CCSER1: variants seen among roughly 807,000 people sequenced by gnomAD.
CCSER1 encodes the protein coiled-coil serine rich protein 1.
CCSER1 carries 41 observed loss-of-function variants against 82.0 expected under a neutral mutation model. That is an observed-to-expected ratio of 0.50 (90% CI 0.39 to 0.65). The LOEUF is 0.65. CCSER1 is among the 30% of genes least tolerant of loss of function. The pLI is 0.00. For missense variants in CCSER1, 1,119 were observed against 1,064.2 expected (o/e 1.05, Z -0.72); for synonymous variants, 414 against 383.9 (o/e 1.08, Z -0.92).
At chr4:90,961,674 G>A (rs1484131570) in intron 9 of CCSER1, among the ~76,000 whole-genome samples, 2 of 151,878 alleles carry the variant, frequency 1.3e-5, no homozygotes, top group African/African-American at 4.8e-5. Flanking sequence ...TTAATTTTAA[G>A]TAAGTACATT....
intron 10 of CCSER1, among the ~76,000 whole-genome samples, chr4:91,250,745 A>G: frequency 6.6e-6 from 1 of 151,752 alleles, no homozygotes; most frequent in Non-Finnish European, 1.5e-5. Flanking sequence ...TTTTTAAAAA[A>G]CACAATGCAA....
At chr4:91,021,326 G>T (rs970936253) in intron 9 of CCSER1, among the ~76,000 whole-genome samples, 1 of 151,970 alleles carries the variant, frequency 6.6e-6, no homozygotes, top group Non-Finnish European at 1.5e-5. Flanking sequence ...AAGAACTATT[G>T]CTGCAGATTG....
intron 10 of CCSER1, among the ~76,000 whole-genome samples, chr4:91,209,117 G>T (rs1408300531): frequency 6.6e-6 from 1 of 151,916 alleles, no homozygotes; most frequent in Non-Finnish European, 1.5e-5. Flanking sequence ...TTTTGGCAGA[G>T]ACTATGGGGT....
chr4:91,046,326 GT>G (rs1443020845), intron 9 of CCSER1, among the ~76,000 whole-genome samples: 1 of 150,512 alleles, frequency 6.6e-6, no homozygotes, highest in Non-Finnish European at 1.5e-5. Flanking sequence ...ATTTTTCTAT[GT>G]ATGTATAGTT....
At chr4:90,128,277 G>C (rs904336490) in intron 1 of CCSER1, among the ~76,000 whole-genome samples, 5 of 152,000 alleles carry the variant, frequency 3.3e-5, no homozygotes, top group African/African-American at 1.2e-4. Flanking sequence ...CGGGGACGGC[G>C]GCGAAGAGGG....
chr4:90,653,454 A>G (rs190392234), intron 6 of CCSER1, among the ~76,000 whole-genome samples: 1 of 152,260 alleles, frequency 6.6e-6, no homozygotes. Flanking sequence ...AAAAATTTTA[A>G]TGAAACGTAA....
chr4:91,591,221 A>C (rs2110340317), intron 10 of CCSER1, among the ~76,000 whole-genome samples: 1 of 152,260 alleles, frequency 6.6e-6, no homozygotes, highest in African/African-American at 2.4e-5. Flanking sequence ...ATAAAATGAA[A>C]ATGCTTATTT....
At chr4:90,341,908 G>A (rs1561060094) in intron 3 of CCSER1, among the ~76,000 whole-genome samples, 3 of 152,234 alleles carry the variant, frequency 2.0e-5, no homozygotes, top group Middle Eastern at 6.8e-3. Context: ...TGCATAGATA[G>A]ACTAATAAAA....
chr4:90,464,347 A>C (rs10026112), intron 4 of CCSER1, among the ~76,000 whole-genome samples: 19,435 of 152,126 alleles, frequency 0.13, 1,973 homozygotes, highest in African/African-American at 0.28. Flanking sequence ...ATTTTTTCTT[A>C]TTTTAAAGTC....
At chr4:91,493,810 A>T (rs1294015642) in intron 10 of CCSER1, among the ~76,000 whole-genome samples, 2 of 151,726 alleles carry the variant, frequency 1.3e-5, no homozygotes, top group East Asian at 3.9e-4. Context: ...GATACCACAA[A>T]TATCTAATTT....
At chr4:90,543,428 A>G (rs1037637302) in intron 5 of CCSER1, among the ~76,000 whole-genome samples, 8 of 152,176 alleles carry the variant, frequency 5.3e-5, no homozygotes, top group African/African-American at 1.9e-4. Context: ...GTAGTCATAA[A>G]TGTTTCTAGA....
chr4:90,263,576 A>G (rs79221626), intron 1 of CCSER1, among the ~76,000 whole-genome samples: 2 of 151,986 alleles, frequency 1.3e-5, no homozygotes, highest in Non-Finnish European at 2.9e-5. Flanking sequence ...TCACACAGCC[A>G]TTTTCTTTTT....
chr4:91,364,970 C>G (rs1387493847), intron 10 of CCSER1, among the ~76,000 whole-genome samples: 1 of 151,972 alleles, frequency 6.6e-6, no homozygotes, highest in Non-Finnish European at 1.5e-5. Context: ...CAAAATTAAC[C>G]TAGCCACTGT....
At chr4:91,559,341 A>T (rs767762745) in intron 10 of CCSER1, among the ~76,000 whole-genome samples, 11 of 151,604 alleles carry the variant, frequency 7.3e-5, no homozygotes, top group Non-Finnish European at 1.2e-4. Flanking sequence ...AAATAAAATC[A>T]AAGCGTGTAT....
At chr4:90,719,007 C>T (rs552826408) in intron 6 of CCSER1, among the ~76,000 whole-genome samples, 2 of 152,066 alleles carry the variant, frequency 1.3e-5, no homozygotes, top group South Asian at 4.1e-4. Flanking sequence ...ATTCCCGAGT[C>T]ACATTCAGGA....
In CCSER1 at chr4:91,037,219, C is replaced by T. The variant is rs1243006224; in HGVS notation, c.2173-48731C>T. On this transcript the variant is annotated intron_variant, in intron 9 of 10. Transcript: ENST00000509176. ...GTCCCCCAACACACAATCTTTGTGT[C>T]TTTCTATCTCTGTCACACACACACA... 2.1e-5 allele frequency among the ~76,000 whole-genome samples: 3 copies of T among 145,578 alleles called. No homozygotes were observed. The East Asian group carries it at 6.1e-4, about 30-fold the overall frequency.
At chr4:90,977,839 C>G (rs1004289942) in intron 9 of CCSER1, among the ~76,000 whole-genome samples, 6 of 151,638 alleles carry the variant, frequency 4.0e-5, no homozygotes, top group African/African-American at 1.5e-4. Flanking sequence ...AGCTCATAAG[C>G]AAACATTGTA....
chr4:91,209,456 T>C (rs1006109971), intron 10 of CCSER1, among the ~76,000 whole-genome samples: 5 of 152,030 alleles, frequency 3.3e-5, no homozygotes, highest in African/African-American at 9.7e-5. Flanking sequence ...CTTTCCTGCA[T>C]TTATTGAGAT....
chr4:90,887,042 T>G (rs924991325), intron 8 of CCSER1, among the ~76,000 whole-genome samples: 1 of 152,178 alleles, frequency 6.6e-6, no homozygotes, highest in Non-Finnish European at 1.5e-5. Context: ...CACACAGATA[T>G]AAACCTTCCT....
Sources: gnomAD v4.1 joint callset for allele counts (sites outside exome capture counted in the v4.1 genomes callset) on GRCh38, gnomAD v4.1.1 for gene constraint, MANE v1.5 for transcripts, NCBI Gene and HGNC (gene_info 2026-07-23, HGNC 2026-07-21) for gene names.